The following ZBTB16 variants were observed in gnomAD, a reference collection of about 807,000 sequenced individuals.
ZBTB16 encodes zinc finger and BTB domain-containing protein 16.
ZBTB16 carries 8 observed loss-of-function variants against 56.8 expected under a neutral mutation model. The ratio of observed to expected loss-of-function variants is 0.14; its 90% CI spans 0.08 to 0.25. ZBTB16 has a LOEUF of 0.25. Ranked by LOEUF, ZBTB16 falls within the 10% of genes least tolerant of loss-of-function variation. The pLI is 1.00. For missense variants in ZBTB16, 625 were observed against 903.0 expected (o/e 0.69, Z 3.95); for synonymous variants, 363 against 368.5 (o/e 0.98, Z 0.17).
At chr11:114,132,506 G>A (rs938508612) in intron 2 of ZBTB16, among the ~76,000 whole-genome samples, 1 of 152,096 alleles carries the variant, frequency 6.6e-6, no homozygotes, top group African/African-American at 2.4e-5. Flanking sequence ...ATGAAGTTCC[G>A]CTGCCCTCTA....
chr11:114,156,244 C>A, intron 2 of ZBTB16, 93 bp from the exon 3 acceptor site: 1 of 1,285,722 alleles, frequency 7.8e-7, no homozygotes, highest in South Asian at 1.2e-5. Flanking sequence ...TGTCACCTGC[C>A]AGAGGGATGG....
Position 114,254,539 on chromosome 11 carries a change from G to A in ZBTB16, c.*3984G>A, listed in dbSNP as rs952824946. ...GAGAGCAGAGGTGGGGCAGCCTTTC[G>A]ACTCTGTCCATGACGGCTGGCAGGG... On this transcript the variant is annotated 3_prime_UTR_variant, in exon 7 of 7. Transcript: ENST00000335953. 2.0e-5 allele frequency among the ~76,000 whole-genome samples: 3 copies of A among 152,164 alleles called. No homozygotes were observed. The highest frequency in any genetic ancestry group is 2.9e-5 in the Non-Finnish European group (2 of 68,018).
chr11:114,187,088 C>G, intron 4 of ZBTB16, 50 bp downstream of exon 4: 1 of 1,573,164 alleles, frequency 6.4e-7, no homozygotes, highest in Non-Finnish European at 8.7e-7. Flanking sequence ...GTGTTGGTAG[C>G]ACATGGACAT....
At chr11:114,103,244 G>A (rs1471403464) in intron 2 of ZBTB16, among the ~76,000 whole-genome samples, 1 of 152,102 alleles carries the variant, frequency 6.6e-6, no homozygotes, top group Non-Finnish European at 1.5e-5. Flanking sequence ...GTGCAGGGAG[G>A]GAATTAAGAT....
At position 114,209,662 on chromosome 11, in the gene ZBTB16, A is replaced by T. The variant is rs1043584426; in HGVS notation, c.1453+22624A>T. On this transcript the variant is annotated intron_variant, in intron 4 of 6. Coordinates refer to ENST00000335953, the MANE Select transcript of ZBTB16 (RefSeq NM_006006.6). ...CTATTCCCCCAACCAGGGTTAAGGA[A>T]GAGAAAAATTAACTGTTGGTCAGAG... 9.1e-6 allele frequency: 9 copies of T among 985,414 alleles called. No homozygotes were observed. In the African/African-American group the frequency reaches 1.6e-4, roughly 17 times the overall value. The allele number at this position is 985,414 out of a possible 1,614,324, so 61.0% of individuals were successfully genotyped here.
intron 3 of ZBTB16, among the ~76,000 whole-genome samples, chr11:114,174,839 G>A (rs180773191): frequency 2.0e-5 from 3 of 152,282 alleles, no homozygotes; most frequent in Admixed American, 2.0e-4. Context: ...CCAGGAAGCC[G>A]TGCCATAGAC....
chr11:114,192,065 A>T (rs1292952629), intron 4 of ZBTB16, among the ~76,000 whole-genome samples: 1 of 152,108 alleles, frequency 6.6e-6, no homozygotes, highest in Non-Finnish European at 1.5e-5. Context: ...GGTGGTTTTC[A>T]CTTGGGGTCT....
At chr11:114,210,185 G>GTC (rs1440323488) in intron 4 of ZBTB16, among the ~76,000 whole-genome samples, 10 of 143,526 alleles carry the variant, frequency 7.0e-5, no homozygotes, top group Non-Finnish European at 1.2e-4. Flanking sequence ...GTGTGTGTGT[G>GTC]TGTGTGTGCG....
intron 4 of ZBTB16, among the ~76,000 whole-genome samples, chr11:114,195,067 C>T (rs1425284040): frequency 1.3e-5 from 2 of 152,170 alleles, no homozygotes. Context: ...CAAAGTCAAA[C>T]TAATTAGGAG....
At chr11:114,234,383 C>T (rs1469754152) in intron 4 of ZBTB16, among the ~76,000 whole-genome samples, 1 of 152,166 alleles carries the variant, frequency 6.6e-6, no homozygotes, top group South Asian at 2.1e-4. Context: ...GACAAGTCTT[C>T]CAAGATGGTA....
At chr11:114,215,910 C>G (rs369108986) in intron 4 of ZBTB16, among the ~76,000 whole-genome samples, 1 of 152,172 alleles carries the variant, frequency 6.6e-6, no homozygotes, top group African/African-American at 2.4e-5. Context: ...AGCCTGGACT[C>G]ACAGGCCAGT....
chr11:114,070,923 T>C (rs1421772716), intron 2 of ZBTB16, among the ~76,000 whole-genome samples: 1 of 152,152 alleles, frequency 6.6e-6, no homozygotes, highest in East Asian at 1.9e-4. Flanking sequence ...AGAGAGGTTG[T>C]TGGTTGTGAA....
intron 3 of ZBTB16, among the ~76,000 whole-genome samples, chr11:114,177,783 C>G (rs916895042): frequency 7.9e-5 from 12 of 152,150 alleles, no homozygotes; most frequent in Admixed American, 7.9e-4. Flanking sequence ...TGAGTCACTA[C>G]TCTTAGACTT....
intron 2 of ZBTB16, among the ~76,000 whole-genome samples, chr11:114,081,343 C>T (rs1452634606): frequency 6.6e-6 from 1 of 152,096 alleles, no homozygotes; most frequent in Non-Finnish European, 1.5e-5. Flanking sequence ...GGTTTTGAGA[C>T]CCAAAGATTG....
At chr11:114,229,611 G>T (rs1246712542) in intron 4 of ZBTB16, among the ~76,000 whole-genome samples, 1 of 152,200 alleles carries the variant, frequency 6.6e-6, no homozygotes, top group Non-Finnish European at 1.5e-5. Context: ...AAGGAAATTC[G>T]TAGCTACGTT....
rs545216056 is a variant in ZBTB16 at position 114,242,464 on chromosome 11, G to A, written c.1624+127G>A. The A allele has an allele frequency of 7.7e-5, 104 of 1,352,802 alleles. No individual in the cohort carries two copies. In the African/African-American group the frequency reaches 1.2e-3, roughly 15 times the overall value. 83.8% of individuals were successfully genotyped at this position (1,352,802 alleles called of 1,614,324 possible). ...CAGTCCTTCTGCTCAAGGCTTGGAC[G>A]TGCAGAGGCTGCCCGTCGTGCAGGT... is the stretch of plus-strand genomic sequence containing the variant. On this transcript the variant is annotated intron_variant, in intron 5 of 6. Transcript: ENST00000335953.
Position 114,254,814 on chromosome 11 carries a change from G to A in ZBTB16, c.*4259G>A, listed in dbSNP as rs1478531586. On this transcript the variant is annotated 3_prime_UTR_variant, in exon 7 of 7. Coordinates refer to ENST00000335953, the MANE Select transcript of ZBTB16 (RefSeq NM_006006.6). ...ATGAAAGGCGAGACTCACCCTACGC[G>A]GTGGGACAGATGGGGAGAGGAAAAA... is the stretch of plus-strand genomic sequence containing the variant. 1.3e-5 allele frequency among the ~76,000 whole-genome samples: 2 copies of A among 152,170 alleles called. No individual in the cohort carries two copies. Among genetic ancestry groups the A allele is most frequent in the Non-Finnish European group, 2.9e-5 (2 of 68,028 alleles).
At chr11:114,153,111 T>C (rs889388056) in intron 2 of ZBTB16, among the ~76,000 whole-genome samples, 1 of 152,256 alleles carries the variant, frequency 6.6e-6, no homozygotes, top group Admixed American at 6.5e-5. Context: ...GAGAGTCTAC[T>C]GGTAGCCAGG....
intron 2 of ZBTB16, among the ~76,000 whole-genome samples, chr11:114,124,079 A>AT (rs34732400): frequency 0.5 from 76,588 of 151,876 alleles, 19,626 homozygotes; most frequent in South Asian, 0.6. Flanking sequence ...CTTTGCGGAG[A>AT]TGGTCGGGGG....
Sources: gnomAD v4.1 joint callset for allele counts (sites outside exome capture counted in the v4.1 genomes callset) on GRCh38, gnomAD v4.1.1 for gene constraint, MANE v1.5 for transcripts, NCBI Gene and HGNC (gene_info 2026-07-23, HGNC 2026-07-21) for gene names.